The following CLIC5 variants were observed in gnomAD, a reference collection of about 807,000 sequenced individuals.
CLIC5 encodes the protein CLIC family member 5, also known as chloride intracellular channel protein 5.
A neutral mutation model predicts 24.7 loss-of-function variants in CLIC5; 20 were observed. That is an observed-to-expected ratio of 0.81 (90% CI 0.57 to 1.18). The LOEUF is 1.18. Ranked by LOEUF, CLIC5 falls within the 50% of genes most tolerant of loss-of-function variation. The pLI is 0.00. For synonymous variants in CLIC5, 159 were observed against 135.6 expected (o/e 1.17, Z -1.20); for missense variants, 341 against 326.1 (o/e 1.05, Z -0.35).
At chr6:45,996,525 A>AAGGT (rs1766146341) in intron 1 of CLIC5, among the ~76,000 whole-genome samples, 1 of 152,180 alleles carries the variant, frequency 6.6e-6, no homozygotes, top group Non-Finnish European at 1.5e-5. Context: ...ATTTTTGTAT[A>AAGGT]AGGTGTAGGG....
chr6:46,092,982 A>G, the CLIC5 span, among the ~76,000 whole-genome samples: 1 of 152,276 alleles, frequency 6.6e-6, no homozygotes, highest in East Asian at 1.9e-4. Flanking sequence ...CCAAAAACTT[A>G]TCTTTGTCTC....
intron 1 of CLIC5, among the ~76,000 whole-genome samples, chr6:46,066,914 C>T (rs1266897161): frequency 1.3e-5 from 2 of 152,070 alleles, no homozygotes; most frequent in African/African-American, 4.8e-5. Context: ...GAACAGCATC[C>T]TATTTGTGGA....
At chr6:45,974,550 GAGAGAGAGAGAGAGAA>G (rs1371834035) in intron 1 of CLIC5, among the ~76,000 whole-genome samples, 10 of 144,778 alleles carry the variant, frequency 6.9e-5, no homozygotes, top group African/African-American at 1.0e-4. Context: ...GAGAGAGAGA[GAGAGAGAGAGAGAGAA>G]AGAGAGAGAG....
At chr6:45,913,474 T>C (rs896785543) in intron 5 of CLIC5, among the ~76,000 whole-genome samples, 3 of 152,202 alleles carry the variant, frequency 2.0e-5, no homozygotes, top group African/African-American at 7.2e-5. Context: ...TAATCAGAGC[T>C]ATCTAACATG....
At chr6:45,944,836 C>G (rs1764240599) in intron 3 of CLIC5, among the ~76,000 whole-genome samples, 2 of 152,288 alleles carry the variant, frequency 1.3e-5, no homozygotes, top group South Asian at 4.1e-4. Flanking sequence ...CTGATGGCAG[C>G]TTAAGTGTTT....
At chr6:45,962,931 A>C (rs1441015350) in intron 1 of CLIC5, among the ~76,000 whole-genome samples, 2 of 152,138 alleles carry the variant, frequency 1.3e-5, no homozygotes, top group Non-Finnish European at 2.9e-5. Flanking sequence ...TCCATCTGCC[A>C]CTGAGTGTAT....
chr6:45,949,129 A>G (rs1764382722), intron 3 of CLIC5, 127 bp downstream of exon 3: 1 of 1,252,196 alleles, frequency 8.0e-7, no homozygotes, highest in Non-Finnish European at 1.1e-6. Context: ...CTTTGAAGAA[A>G]GGGTCCTGTT....
At chr6:46,014,947 A>G (rs1766942437) in intron 1 of CLIC5, among the ~76,000 whole-genome samples, 1 of 152,226 alleles carries the variant, frequency 6.6e-6, no homozygotes, top group Admixed American at 6.5e-5. Flanking sequence ...TCTGCTTTGC[A>G]AGTCACCAAG....
At chr6:46,125,128 A>G in the CLIC5 span, among the ~76,000 whole-genome samples, 1 of 151,636 alleles carries the variant, frequency 6.6e-6, no homozygotes, top group Non-Finnish European at 1.5e-5. Context: ...AAAAGCACAC[A>G]TATGTTTATT....
intron 1 of CLIC5, among the ~76,000 whole-genome samples, chr6:45,972,131 G>T (rs190160224): frequency 2.8e-4 from 42 of 152,306 alleles, no homozygotes; most frequent in African/African-American, 9.9e-4. Flanking sequence ...TAGAGTATGG[G>T]TATCAAGGAC....
At chr6:45,950,157 T>C (rs573758850) in intron 2 of CLIC5, among the ~76,000 whole-genome samples, 2 of 152,320 alleles carry the variant, frequency 1.3e-5, no homozygotes, top group South Asian at 4.1e-4. Context: ...AGAAGATACC[T>C]GAGAGAAAGC....
In CLIC5 at chr6:45,890,480, C is replaced by G. The variant is rs77671909; in HGVS notation, c.624-9292G>C. 3.7e-3 allele frequency among the ~76,000 whole-genome samples: 562 copies of G among 152,204 alleles called. 7 individuals are homozygous for G. The highest frequency in any genetic ancestry group is 0.013 in the African/African-American group (527 of 41,532). On this transcript the variant is annotated intron_variant, in intron 6 of 6. Transcript: ENST00000644324. ...CTGTTGGTGGTATTGTAAATGAGCA[C>G]AGCCATTTTTGGAAACAGTATAGTG... is the stretch of plus-strand genomic sequence containing the variant.
At chr6:45,917,282 T>C (rs1763068736) in intron 4 of CLIC5, among the ~76,000 whole-genome samples, 2 of 152,162 alleles carry the variant, frequency 1.3e-5, no homozygotes. Context: ...TTAACTCAGA[T>C]AATGCAGGGA....
At chr6:46,014,006 G>A (rs977450596) in intron 1 of CLIC5, among the ~76,000 whole-genome samples, 1 of 152,006 alleles carries the variant, frequency 6.6e-6, no homozygotes, top group African/African-American at 2.4e-5. Flanking sequence ...TATTACCTGG[G>A]TCTGCCAAAG....
the CLIC5 span, among the ~76,000 whole-genome samples, chr6:46,112,582 A>C: frequency 3.1e-4 from 47 of 152,138 alleles, no homozygotes; most frequent in South Asian, 8.9e-3. Flanking sequence ...AATTAATCTG[A>C]CTTTTGTGGG....
rs1056897340 is a variant in CLIC5, at chr6:45,988,155, T to C, written c.63+27325A>G. On this transcript the variant is annotated intron_variant, in intron 1 of 5. Transcript: ENST00000339561. ...CTGTGAAATCAGACACATTACATGC[T>C]TCCAAAATGTAATGTTGGGATAGGC... 1.1e-4 allele frequency among the ~76,000 whole-genome samples: 16 copies of C among 152,304 alleles called. No individual in the cohort carries two copies. The South Asian group carries it at 1.2e-3, about 12-fold the overall frequency.
chr6:45,915,503 C>G (rs1324402113), intron 4 of CLIC5, among the ~76,000 whole-genome samples: 1 of 152,040 alleles, frequency 6.6e-6, no homozygotes, highest in Non-Finnish European at 1.5e-5. Context: ...TGATGGGTAC[C>G]AGGGAAGAAC....
chr6:46,067,867 ATTCT>A (rs1762485969), intron 1 of CLIC5, among the ~76,000 whole-genome samples: 1 of 152,170 alleles, frequency 6.6e-6, no homozygotes. Flanking sequence ...AATCCAACTC[ATTCT>A]TCCTTCAGAC....
chr6:45,895,750 T>C (rs866017442), downstream of CLIC5, among the ~76,000 whole-genome samples: 2 of 152,140 alleles, frequency 1.3e-5, no homozygotes, highest in Non-Finnish European at 1.5e-5. Flanking sequence ...GGGGACAGGG[T>C]GGTAACAGTG....
Sources: allele counts gnomAD v4.1 joint callset (sites outside exome capture counted in the v4.1 genomes callset), GRCh38; gene constraint gnomAD v4.1.1; transcripts MANE v1.5; gene names NCBI Gene and HGNC (gene_info 2026-07-23, HGNC 2026-07-21).